The following SSPN variants were observed in gnomAD, a reference collection of about 807,000 sequenced individuals.
SSPN encodes the protein sarcospan.
In SSPN, 15 loss-of-function variants were observed where a neutral mutation model predicts 19.1. The observed-to-expected ratio is 0.78, with a 90% CI of 0.52 to 1.21. The LOEUF is 1.21. Ranked by LOEUF, SSPN falls within the 50% of genes most tolerant of loss-of-function variation. SSPN has a pLI of 0.00. For synonymous variants in SSPN, 147 were observed against 140.3 expected (o/e 1.05, Z -0.34); for missense variants, 291 against 314.0 (o/e 0.93, Z 0.55).
At chr12:26,142,122 C>G (rs1208101764) in intron 1 of SSPN, among the ~76,000 whole-genome samples, 1 of 151,962 alleles carries the variant, frequency 6.6e-6, no homozygotes, top group African/African-American at 2.4e-5. Flanking sequence ...TATGCTGGGC[C>G]TAAAATGAAA....
At chr12:26,125,117 G>C (rs899619764) in intron 1 of SSPN, 5 of 432,578 alleles carry the variant, frequency 1.2e-5, no homozygotes, top group East Asian at 4.7e-5. Context: ...CAGCCCGGAG[G>C]GGGGCGGGGG....
chr12:26,169,042 C>A (rs200766689), intron 1 of SSPN, among the ~76,000 whole-genome samples: 22 of 121,094 alleles, frequency 1.8e-4, no homozygotes, highest in African/African-American at 7.0e-4. Flanking sequence ...AAAAAAAAAA[C>A]ACTTAAGGTA....
chr12:26,192,903 A>G (rs978434122), upstream of SSPN, among the ~76,000 whole-genome samples: 3 of 149,714 alleles, frequency 2.0e-5, no homozygotes, highest in Non-Finnish European at 4.5e-5. Flanking sequence ...ATATCCTACT[A>G]TCTTGTTTGA....
At chr12:26,139,565 G>A (rs1343567313) in intron 1 of SSPN, among the ~76,000 whole-genome samples, 1 of 152,150 alleles carries the variant, frequency 6.6e-6, no homozygotes, top group Non-Finnish European at 1.5e-5. Context: ...TGTAGCACTT[G>A]CCAATTTCCA....
At chr12:26,194,346 A>G (rs557800745), upstream of SSPN, among the ~76,000 whole-genome samples, 11 of 152,380 alleles carry the variant, frequency 7.2e-5, no homozygotes, top group South Asian at 2.1e-4. Flanking sequence ...AAAAGCGTCT[A>G]TCTCTAAGAT....
chr12:26,205,671 T>A (rs1944925078), intron 1 of SSPN, among the ~76,000 whole-genome samples: 1 of 152,096 alleles, frequency 6.6e-6, no homozygotes, highest in South Asian at 2.1e-4. Flanking sequence ...TGTGCCTACC[T>A]CAGGAAGATA....
intron 1 of SSPN, among the ~76,000 whole-genome samples, chr12:26,201,194 T>G (rs1158812439): frequency 6.6e-6 from 1 of 151,012 alleles, no homozygotes; most frequent in Non-Finnish European, 1.5e-5. Context: ...CTGGTCAACA[T>G]GGCAATATCC....
At chr12:26,187,438 A>G (rs1944760992) in intron 1 of SSPN, among the ~76,000 whole-genome samples, 1 of 152,224 alleles carries the variant, frequency 6.6e-6, no homozygotes. Flanking sequence ...TTATTGAAAC[A>G]TTGTTTTTGA....
chr12:26,201,033 ATATATATATATATT>A lies in SSPN; in HGVS notation c.279+5083_279+5096del, dbSNP rs1944877388. 3.5e-5 allele frequency among the ~76,000 whole-genome samples: 2 copies of A among 56,984 alleles called. 1 individual carries two copies. Among genetic ancestry groups the A allele is most frequent in the Non-Finnish European group, 6.4e-5 (2 of 31,438 alleles). 37.4% of individuals were successfully genotyped at this position (56,984 alleles called of 152,430 possible). A position where few individuals can be genotyped will look rare whatever the true frequency, so the allele number is the denominator to read the frequency against. ...TGTGTATATATATATATATATATAT[ATATATATATATATT>A]ATATATATATATTTGGAAATAAAAT... On this transcript the variant is annotated intron_variant, in intron 1 of 2. Transcript: ENST00000242729.
chr12:26,124,196 C>G (rs1871557), intron 1 of SSPN: 75,286 of 1,510,536 alleles, frequency 0.05, 2,185 homozygotes, highest in South Asian at 0.074. Context: ...ATATGAGAGT[C>G]ATGGAAAAGA....
chr12:26,233,498 C>T lies in SSPN; in HGVS notation c.*2422C>T, dbSNP rs1429306555. 4 of 151,980 alleles carry T rather than the reference C, an allele frequency of 2.6e-5. No homozygotes were observed. The highest frequency in any genetic ancestry group is 2.6e-4 in the Admixed American group (4 of 15,254). 9.4% of individuals were successfully genotyped at this position (151,980 alleles called of 1,614,324 possible). ...AACAGAAAAGAAAGAAAGAAAAGATCCCTTTGCTATGAGCTCGCTGTATAT... is the reference window on the plus strand; with the variant it reads ...AACAGAAAAGAAAGAAAGAAAAGATTCCTTTGCTATGAGCTCGCTGTATAT... On this transcript the variant is annotated 3_prime_UTR_variant, in exon 3 of 3. Coordinates refer to ENST00000242729, the MANE Select transcript of SSPN (RefSeq NM_005086.5). This position sits in a 1 kb window ranked among gnomAD's most constrained non-coding sequence, Gnocchi z 4.3.
intron 1 of SSPN, among the ~76,000 whole-genome samples, chr12:26,165,215 T>A (rs931825263): frequency 6.6e-6 from 1 of 152,220 alleles, no homozygotes; most frequent in African/African-American, 2.4e-5. Context: ...GCAGATGATA[T>A]GAGCCACATG....
At chr12:26,196,133 C>G (rs1208346620) in intron 1 of SSPN, among the ~76,000 whole-genome samples, 182 bp downstream of exon 1, 1 of 152,198 alleles carries the variant, frequency 6.6e-6, no homozygotes, top group African/African-American at 2.4e-5. Flanking sequence ...GGGCTGGACG[C>G]GATAGGGCTC....
intron 1 of SSPN, among the ~76,000 whole-genome samples, chr12:26,223,520 G>A (rs1170500578): frequency 6.6e-6 from 1 of 152,180 alleles, no homozygotes; most frequent in Non-Finnish European, 1.5e-5. Context: ...ATATGTCATT[G>A]TTTTAAACTA....
intron 1 of SSPN, among the ~76,000 whole-genome samples, chr12:26,140,480 G>A (rs1014161873): frequency 5.3e-5 from 8 of 152,182 alleles, no homozygotes; most frequent in Admixed American, 1.3e-4. Flanking sequence ...ACTATTGAGA[G>A]AGTGGACCTG....
intron 2 of SSPN, among the ~76,000 whole-genome samples, chr12:26,226,541 C>A (rs1054360542): frequency 6.6e-6 from 1 of 151,686 alleles, no homozygotes; most frequent in African/African-American, 2.4e-5. Flanking sequence ...TCTGGGGGTT[C>A]GGGGATTGGG....
At chr12:26,124,813 T>G in intron 1 of SSPN, 1 of 1,609,764 alleles carries the variant, frequency 6.2e-7, no homozygotes, top group Non-Finnish European at 8.5e-7. Flanking sequence ...TGTTTCGATT[T>G]TTGGGGCTCT....
chr12:26,221,087 T>A (rs1945115814), intron 1 of SSPN, among the ~76,000 whole-genome samples: 1 of 152,232 alleles, frequency 6.6e-6, no homozygotes, highest in Non-Finnish European at 1.5e-5. Flanking sequence ...GTGATCTACT[T>A]CCTGCCTATT....
In SSPN at chr12:26,128,902, C is replaced by A. The variant is rs73289346; in HGVS notation, c.-31+6750C>A. On this transcript the variant is annotated intron_variant, in intron 1 of 2. Transcript: ENST00000538142. ...GAAATACTTAGGCCAATTCTCCCCC[C>A]TGCCTAAATATCCTAAGTCCTGCAC... is the stretch of plus-strand genomic sequence containing the variant. Among the ~76,000 whole-genome samples the A allele has an allele frequency of 4.7e-3, 723 of 152,310 alleles. 2 individuals carry two copies. The highest frequency in any genetic ancestry group is 8.0e-3 in the Non-Finnish European group (543 of 68,026).
Sources: gnomAD v4.1 joint callset for allele counts (sites outside exome capture counted in the v4.1 genomes callset) on GRCh38, gnomAD v4.1.1 for gene constraint, Gnocchi (gnomAD v3.1) non-coding constraint, MANE v1.5 for transcripts, NCBI Gene and HGNC (gene_info 2026-07-23, HGNC 2026-07-21) for gene names.